The following LPP variants were observed in gnomAD, a reference collection of about 807,000 sequenced individuals.
LPP encodes LIM domain containing preferred translocation partner in lipoma, also known as lipoma-preferred partner.
Under a neutral mutation model 60.4 loss-of-function variants are expected in LPP, and 38 were observed. That is an observed-to-expected ratio of 0.63 (90% CI 0.49 to 0.83). LPP has a LOEUF of 0.83. Ranked by LOEUF, LPP falls within the 40% of genes least tolerant of loss-of-function variation. The pLI, the probability that LPP is intolerant of heterozygous loss-of-function variation, is 0.00. For missense variants in LPP, 902 were observed against 783.6 expected, an observed-to-expected ratio of 1.15 and a Z score of -1.80; for synonymous variants, 328 against 290.8, an observed-to-expected ratio of 1.13 and a Z score of -1.30.
intron 9 of LPP, among the ~76,000 whole-genome samples, chr3:188,809,435 T>G (rs539221475): frequency 1.3e-5 from 2 of 152,322 alleles, no homozygotes; most frequent in South Asian, 2.1e-4. Flanking sequence ...TAATGATCAG[T>G]GTCATTGAGC....
chr3:188,349,934 C>T (rs756414151), intron 3 of LPP, among the ~76,000 whole-genome samples: 1 of 152,234 alleles, frequency 6.6e-6, no homozygotes, highest in South Asian at 2.1e-4. Flanking sequence ...GCCCTTTGCT[C>T]TTCCTCTCCT....
chr3:188,592,563 T>TTTTTTTTTTTTTTTTTTTTTTTTTTGG lies in LPP; in HGVS notation c.430-16598_430-16597insTTTTTTTTTTTTTTTTTTTTTTTTTGG. Among the ~76,000 whole-genome samples the TTTTTTTTTTTTTTTTTTTTTTTTTTGG allele has an allele frequency of 3.7e-3, 285 of 77,194 alleles. 31 individuals are homozygous for TTTTTTTTTTTTTTTTTTTTTTTTTTGG. The highest frequency in any genetic ancestry group is 6.0e-3 in the Non-Finnish European group (218 of 36,174). 50.6% of individuals were successfully genotyped at this position (77,194 alleles called of 152,430 possible). On this transcript the variant is annotated intron_variant, in intron 6 of 11. Transcript: ENST00000617246. Reference sequence around the variant, plus strand: ...TGTTTTTAGTTTTGTTTTTGTTTTTTAAATGGAGTCTCACTCTTTCTCCCA... The same window carrying TTTTTTTTTTTTTTTTTTTTTTTTTTGG: ...TGTTTTTAGTTTTGTTTTTGTTTTTTTTTTTTTTTTTTTTTTTTTTTTTTTGGAAATGGAGTCTCACTCTTTCTCCCA...
chr3:188,715,166 T>A (rs1334469166), intron 8 of LPP, among the ~76,000 whole-genome samples: 1 of 151,278 alleles, frequency 6.6e-6, no homozygotes, highest in Non-Finnish European at 1.5e-5. Context: ...GATCACGAGG[T>A]CAAGAGATCA....
rs370312988 is a variant in LPP, at chr3:188,283,748, C to CATTATT, written c.-66-57913_-66-57908dup. Among the ~76,000 whole-genome samples the CATTATT allele has an allele frequency of 4.7e-3, 721 of 152,190 alleles. 7 individuals are homozygous for CATTATT. The highest frequency in any genetic ancestry group is 0.016 in the African/African-American group (674 of 41,522). On this transcript the variant is annotated intron_variant, in intron 2 of 11. Transcript: ENST00000617246. ...AGATCTATAAAATGGAGACACTAAT[C>CATTATT]ATTATTAGGAAGGGTTGTCAGGAGT... is the stretch of plus-strand genomic sequence containing the variant.
At chr3:188,273,744 C>T (rs1278319451) in intron 2 of LPP, among the ~76,000 whole-genome samples, 6 of 151,610 alleles carry the variant, frequency 4.0e-5, no homozygotes, top group Non-Finnish European at 7.4e-5. Context: ...TACAGGTGCA[C>T]GCCACCACAC....
intron 2 of LPP, among the ~76,000 whole-genome samples, chr3:188,267,747 C>T (rs1390179726): frequency 6.6e-6 from 1 of 152,170 alleles, no homozygotes; most frequent in African/African-American, 2.4e-5. Context: ...AGAGATTTGA[C>T]CTTTGCTGGT....
chr3:188,876,353 G>C lies in LPP; in HGVS notation c.*1874G>C, dbSNP rs138575006. 5.3e-6 allele frequency: 1 copy of C among 190,270 alleles called. No homozygotes were observed. The allele number at this position is 190,270 out of a possible 1,614,324, so 11.8% of individuals were successfully genotyped here. A position where few individuals can be genotyped will look rare whatever the true frequency, so the allele number is the denominator to read the frequency against. On this transcript the variant is annotated 3_prime_UTR_variant, in exon 12 of 12. Coordinates refer to ENST00000617246, the MANE Select transcript of LPP (RefSeq NM_001375462.1). ...GGCTCATTTGCTTTTGTCACTAAAC[G>C]GTTTTGTGTTAGAACCACCAAAATT...
At chr3:188,696,595 A>G (rs557480704) in intron 7 of LPP, among the ~76,000 whole-genome samples, 2 of 152,284 alleles carry the variant, frequency 1.3e-5, no homozygotes, top group African/African-American at 4.8e-5. Flanking sequence ...AACAACAACA[A>G]CAACTCACAA....
intron 6 of LPP, among the ~76,000 whole-genome samples, chr3:188,586,152 T>G (rs1356905497): frequency 6.6e-6 from 1 of 152,242 alleles, no homozygotes; most frequent in Non-Finnish European, 1.5e-5. Context: ...ATTCTTTTGT[T>G]GTTTTTATTT....
At position 188,159,974 on chromosome 3, in the gene LPP, G is replaced by A. The variant is rs551852806; in HGVS notation, c.-190+5722G>A. 1.1e-4 allele frequency among the ~76,000 whole-genome samples: 16 copies of A among 152,268 alleles called. No individual in the cohort carries two copies. The South Asian group carries it at 2.7e-3, about 26-fold the overall frequency. The stretch of plus-strand genomic sequence containing the variant: ...GTCACACAAGCTGGAGTGCAGTGGC[G>A]CAATCTTGGCTCACTGCAACCTCCA... On this transcript the variant is annotated intron_variant, in intron 1 of 11. Transcript: ENST00000617246.
At chr3:188,601,268 T>A (rs1642865650) in intron 6 of LPP, among the ~76,000 whole-genome samples, 2 of 152,202 alleles carry the variant, frequency 1.3e-5, no homozygotes, top group Admixed American at 1.3e-4. Flanking sequence ...TTTTCCATTA[T>A]CTTTTAGTTT....
At chr3:188,716,411 A>G (rs1009268471) in intron 8 of LPP, among the ~76,000 whole-genome samples, 6 of 152,190 alleles carry the variant, frequency 3.9e-5, no homozygotes, top group Non-Finnish European at 8.8e-5. Context: ...TCATGAATAG[A>G]AACAGAACAA....
intron 5 of LPP, among the ~76,000 whole-genome samples, chr3:188,522,153 T>G (rs1370945494): frequency 2.6e-5 from 4 of 152,242 alleles, no homozygotes; most frequent in Non-Finnish European, 5.9e-5. Context: ...CCTGCTGGCC[T>G]TAAACAGTTT....
intron 2 of LPP, among the ~76,000 whole-genome samples, chr3:188,246,037 G>A (rs978127862): frequency 3.3e-5 from 5 of 152,208 alleles, no homozygotes; most frequent in African/African-American, 1.2e-4. Flanking sequence ...GTGAAATGAT[G>A]TGAGGATTTT....
At chr3:188,292,817 A>G (rs1311884332) in intron 2 of LPP, among the ~76,000 whole-genome samples, 1 of 152,222 alleles carries the variant, frequency 6.6e-6, no homozygotes, top group African/African-American at 2.4e-5. Flanking sequence ...CTCTTTTGAC[A>G]GATGACCTCC....
At chr3:188,256,452 G>A (rs535582701) in intron 2 of LPP, among the ~76,000 whole-genome samples, 1 of 152,150 alleles carries the variant, frequency 6.6e-6, no homozygotes, top group East Asian at 1.9e-4. Context: ...GGTTGTTTGT[G>A]GAATGCATTT....
At chr3:188,170,334 T>C (rs113981659) in intron 1 of LPP, among the ~76,000 whole-genome samples, 372 of 141,448 alleles carry the variant, frequency 2.6e-3, no homozygotes, top group Non-Finnish European at 4.6e-3. Flanking sequence ...CTTTTCTTTT[T>C]TTTTTTTTTT....
rs532869312 is a variant in LPP at position 188,191,046 on chromosome 3, A to G, written c.-189-34359A>G. On this transcript the variant is annotated intron_variant, in intron 1 of 11. Coordinates refer to ENST00000617246, the MANE Select transcript of LPP (RefSeq NM_001375462.1). ...GAGATTCGAGACCAGCCTGGCCAACATGGTGAATCCCCATCTCTACTAAAA... is the reference window on the plus strand; with the variant it reads ...GAGATTCGAGACCAGCCTGGCCAACGTGGTGAATCCCCATCTCTACTAAAA... 3.5e-4 allele frequency among the ~76,000 whole-genome samples: 53 copies of G among 152,316 alleles called. 1 individual carries two copies. In the East Asian group the frequency reaches 0.01, roughly 29 times the overall value.
intron 2 of LPP, among the ~76,000 whole-genome samples, chr3:188,269,565 T>C (rs933464663): frequency 6.6e-6 from 1 of 152,064 alleles, no homozygotes; most frequent in African/African-American, 2.4e-5. Context: ...AAATAAAGCA[T>C]CACATGAAGA....
Sources: gnomAD v4.1 joint callset for allele counts (sites outside exome capture counted in the v4.1 genomes callset) on GRCh38, gnomAD v4.1.1 for gene constraint, MANE v1.5 for transcripts, NCBI Gene and HGNC (gene_info 2026-07-23, HGNC 2026-07-21) for gene names.